DPP10: variants seen among roughly 807,000 people sequenced by gnomAD.
DPP10 encodes dipeptidyl peptidase like 10.
In DPP10, 33 loss-of-function variants were observed where a neutral mutation model predicts 120.9. The ratio of observed to expected loss-of-function variants is 0.27; its 90% CI spans 0.21 to 0.37. DPP10 has a LOEUF of 0.37. DPP10 is among the 10% of genes least tolerant of loss of function. The probability of loss-of-function intolerance (pLI) is 1.00; values close to 1 mark genes in which losing one functional copy is unlikely to be tolerated. For synonymous variants in DPP10, 337 were observed against 326.1 expected, an observed-to-expected ratio of 1.03 and a Z score of -0.36; for missense variants, 816 against 942.8, an observed-to-expected ratio of 0.87 and a Z score of 1.76.
chr2:115,522,486 A>G (rs1488025495), intron 4 of DPP10, among the ~76,000 whole-genome samples: 1 of 152,232 alleles, frequency 6.6e-6, no homozygotes, highest in Non-Finnish European at 1.5e-5. Context: ...CGTACAAAAC[A>G]GGCACCACCA....
chr2:115,118,131 C>T lies in DPP10; in HGVS notation c.61-191108C>T, dbSNP rs2049621726. ...TTCTCCTGTTTACTCAAGACCCAAA[C>T]CTAGATGTTACTGTTGATCCCTTTC... On this transcript the variant is annotated intron_variant, in intron 1 of 25. Transcript: ENST00000410059. Among the ~76,000 whole-genome samples, 4 of 152,294 alleles carry T rather than the reference C, an allele frequency of 2.6e-5. No individual in the cohort carries two copies. In the South Asian group the frequency reaches 6.2e-4, roughly 24 times the overall value.
chr2:114,819,728 C>T (rs1685934097), intron 1 of DPP10, among the ~76,000 whole-genome samples: 1 of 152,112 alleles, frequency 6.6e-6, no homozygotes, highest in South Asian at 2.1e-4. Flanking sequence ...ATTTGAAAGC[C>T]TTTTTCTTTT....
At chr2:114,948,253 T>G (rs1425995865) in intron 1 of DPP10, among the ~76,000 whole-genome samples, 1 of 152,150 alleles carries the variant, frequency 6.6e-6, no homozygotes, top group Non-Finnish European at 1.5e-5. Context: ...TTAATTTAAT[T>G]TTTAATGCTT....
intron 13 of DPP10, among the ~76,000 whole-genome samples, chr2:115,771,170 G>A (rs939280048): frequency 6.6e-6 from 1 of 151,848 alleles, no homozygotes; most frequent in Non-Finnish European, 1.5e-5. Flanking sequence ...CTCCTCCCAG[G>A]TTCAAGCCAT....
intron 1 of DPP10, among the ~76,000 whole-genome samples, chr2:114,812,228 A>G (rs1685235869): frequency 6.6e-6 from 1 of 152,186 alleles, no homozygotes; most frequent in African/African-American, 2.4e-5. Flanking sequence ...ATTAGAAGTT[A>G]GAAAGTCTTA....
chr2:115,084,730 A>G (rs1026148503), intron 1 of DPP10, among the ~76,000 whole-genome samples: 6 of 152,168 alleles, frequency 3.9e-5, no homozygotes, highest in Non-Finnish European at 2.9e-5. Flanking sequence ...CCGAGAGCTC[A>G]GGCTCTCCGC....
intron 3 of DPP10, among the ~76,000 whole-genome samples, chr2:115,405,798 GCTGGGATGCATGGAGCAGAGAAT>G (rs1338926768): frequency 4.6e-5 from 7 of 152,222 alleles, no homozygotes; most frequent in Admixed American, 1.3e-4. Context: ...AGCCAGAGCA[GCTGGGATGCATGGAGCAGAGAAT>G]CCTGAGGAGT....
At chr2:115,365,014 A>C (rs2064999763) in intron 3 of DPP10, among the ~76,000 whole-genome samples, 1 of 152,152 alleles carries the variant, frequency 6.6e-6, no homozygotes, top group Non-Finnish European at 1.5e-5. Flanking sequence ...GTCACAGAGT[A>C]TGGTGTGATT....
intron 2 of DPP10, among the ~76,000 whole-genome samples, chr2:115,321,064 C>T (rs2062032397): frequency 6.6e-6 from 1 of 152,132 alleles, no homozygotes; most frequent in South Asian, 2.1e-4. Flanking sequence ...CTTTGGGAGG[C>T]TGAGGTGGGA....
At chr2:114,657,346 T>C (rs1697043468) in intron 1 of DPP10, among the ~76,000 whole-genome samples, 1 of 152,200 alleles carries the variant, frequency 6.6e-6, no homozygotes, top group Non-Finnish European at 1.5e-5. Flanking sequence ...TTCCCCATTA[T>C]GTTTCAAAAT....
chr2:114,535,227 A>G (rs547042976), intron 1 of DPP10, among the ~76,000 whole-genome samples: 8 of 152,294 alleles, frequency 5.3e-5, no homozygotes, highest in Admixed American at 2.6e-4. Context: ...TATTTAACAC[A>G]TATTTCTTGA....
intron 1 of DPP10, among the ~76,000 whole-genome samples, chr2:114,942,412 TA>T (rs1558904489): frequency 2.1e-5 from 3 of 145,744 alleles, no homozygotes; most frequent in African/African-American, 5.0e-5. Context: ...CATATATATA[TA>T]TATATATATG....
At chr2:114,570,511 C>G (rs1002991817) in intron 1 of DPP10, among the ~76,000 whole-genome samples, 6 of 151,986 alleles carry the variant, frequency 3.9e-5, no homozygotes, top group African/African-American at 1.4e-4. Context: ...GATGGGGGAA[C>G]TTGAAATTAT....
intron 3 of DPP10, among the ~76,000 whole-genome samples, chr2:115,492,983 G>T (rs1009867394): frequency 1.3e-5 from 2 of 152,112 alleles, no homozygotes; most frequent in African/African-American, 4.8e-5. Context: ...GGCATTGTAA[G>T]AAAATCTGAG....
chr2:115,269,103 C>T (rs1037794803), intron 1 of DPP10, among the ~76,000 whole-genome samples: 4 of 152,132 alleles, frequency 2.6e-5, no homozygotes, highest in Non-Finnish European at 4.4e-5. Flanking sequence ...GCGGAGACCA[C>T]GCCATTGCAC....
intron 1 of DPP10, among the ~76,000 whole-genome samples, chr2:114,843,495 A>G (rs546496546): frequency 1.2e-4 from 18 of 152,294 alleles, no homozygotes; most frequent in African/African-American, 4.3e-4. Context: ...TTACTGAACA[A>G]CAGAAAAGTA....
intron 1 of DPP10, among the ~76,000 whole-genome samples, chr2:114,768,699 G>A (rs1404372206): frequency 6.6e-6 from 1 of 152,088 alleles, no homozygotes; most frequent in Non-Finnish European, 1.5e-5. Context: ...CTATTATTCT[G>A]CCTACCACAG....
At chr2:114,901,665 A>T (rs1693584095) in intron 1 of DPP10, among the ~76,000 whole-genome samples, 1 of 152,242 alleles carries the variant, frequency 6.6e-6, no homozygotes, top group African/African-American at 2.4e-5. Flanking sequence ...CAGACATCTC[A>T]ATTGGCTTAG....
intron 3 of DPP10, among the ~76,000 whole-genome samples, chr2:115,355,231 T>G (rs2064294702): frequency 6.6e-6 from 1 of 152,204 alleles, no homozygotes; most frequent in Non-Finnish European, 1.5e-5. Context: ...TATTGTTTCT[T>G]AACTTTTTAA....
Sources: gnomAD v4.1 joint callset for allele counts (sites outside exome capture counted in the v4.1 genomes callset) on GRCh38, gnomAD v4.1.1 for gene constraint, MANE v1.5 for transcripts, NCBI Gene and HGNC (gene_info 2026-07-23, HGNC 2026-07-21) for gene names.